The following ATP8A1 variants were observed in gnomAD, a reference collection of about 807,000 sequenced individuals.
ATP8A1 encodes the protein phospholipid-transporting ATPase IA.
A neutral mutation model predicts 177.7 loss-of-function variants in ATP8A1; 90 were observed. That is an observed-to-expected ratio of 0.51 (90% CI 0.43 to 0.60). The LOEUF is 0.60. ATP8A1 is among the 20% of genes least tolerant of loss of function. The probability of loss-of-function intolerance (pLI) is 0.00; values close to 1 mark genes in which losing one functional copy is unlikely to be tolerated. For missense variants in ATP8A1, 1,072 were observed against 1,392.8 expected (o/e 0.77, Z 3.67); for synonymous variants, 493 against 485.9 (o/e 1.01, Z -0.19).
intron 33 of ATP8A1, among the ~76,000 whole-genome samples, chr4:42,425,139 G>T (rs570471833): frequency 8.5e-5 from 13 of 152,090 alleles, no homozygotes; most frequent in African/African-American, 3.1e-4. Flanking sequence ...TTCTCCTTCT[G>T]GGGGGAAAGG....
chr4:42,550,525 A>G (rs1054163855), intron 18 of ATP8A1, among the ~76,000 whole-genome samples: 56 of 152,360 alleles, frequency 3.7e-4, no homozygotes, highest in African/African-American at 1.3e-3. Context: ...AAGGTTTTCC[A>G]AAGGGACTTT....
intron 36 of ATP8A1, among the ~76,000 whole-genome samples, chr4:42,413,801 A>G (rs1193402809): frequency 6.6e-6 from 1 of 152,238 alleles, no homozygotes; most frequent in Non-Finnish European, 1.5e-5. Flanking sequence ...ACTGTACATC[A>G]AAACATCACC....
chr4:42,551,316 T>C (rs986515435), intron 17 of ATP8A1, 36 bp from the exon 18 acceptor site: 23 of 1,451,762 alleles, frequency 1.6e-5, no homozygotes, highest in East Asian at 2.3e-5. Context: ...AAACACATGA[T>C]TGAAAAAAAA....
At chr4:42,451,292 T>A (rs1334863576) in intron 30 of ATP8A1, among the ~76,000 whole-genome samples, 2 of 152,190 alleles carry the variant, frequency 1.3e-5, no homozygotes, top group Admixed American at 6.5e-5. Context: ...TACTATGTGT[T>A]GTGTTTTTGA....
At chr4:42,654,415 G>C (rs185321928) in intron 1 of ATP8A1, among the ~76,000 whole-genome samples, 40 of 152,218 alleles carry the variant, frequency 2.6e-4, no homozygotes, top group African/African-American at 8.2e-4. Flanking sequence ...TCATTTCAAG[G>C]GGGGGAAAAG....
Position 42,558,670 on chromosome 4 carries a change from AAAGG to A in ATP8A1, c.1341-2634_1341-2631del, listed in dbSNP as rs140857082. Among the ~76,000 whole-genome samples, 1,165 of 152,312 alleles carry A rather than the reference AAAGG, an allele frequency of 7.6e-3. 12 individuals are homozygous for A. Among genetic ancestry groups the A allele is most frequent in the African/African-American group, 0.026 (1,097 of 41,558 alleles). ...ATGTCAACAGGAGAGCCATCAGAGA[AAAGG>A]AAGAAAAGAGCTGAATCCATACTTT... On this transcript the variant is annotated intron_variant, in intron 15 of 36. Transcript: ENST00000381668.
intron 20 of ATP8A1, among the ~76,000 whole-genome samples, chr4:42,525,169 A>T (rs1312159120): frequency 3.3e-5 from 5 of 152,188 alleles, no homozygotes; most frequent in Non-Finnish European, 5.9e-5. Context: ...ACACCTTCAT[A>T]GGTATTCATA....
At chr4:42,608,168 A>G (rs1476060303) in intron 5 of ATP8A1, among the ~76,000 whole-genome samples, 4 of 152,166 alleles carry the variant, frequency 2.6e-5, no homozygotes, top group Non-Finnish European at 5.9e-5. Flanking sequence ...GGGATTCCTC[A>G]AAGGCCCTGG....
In ATP8A1 at chr4:42,446,660, A is replaced by G; in HGVS notation, c.2897-16T>C. 1.2e-6 allele frequency: 2 copies of G among 1,605,604 alleles called. No individual in the cohort carries two copies. Among genetic ancestry groups the G allele is most frequent in the Non-Finnish European group, 1.7e-6 (2 of 1,173,568 alleles). On this transcript the variant is annotated splice_polypyrimidine_tract_variant and intron_variant, in intron 30 of 36. Coordinates refer to ENST00000381668, the MANE Select transcript of ATP8A1 (RefSeq NM_006095.2). ...AATGCAGTACCTGTACGAAAAGGAG[A>G]GGCCTATTAGAAAGGAAAATGAGAT... is the stretch of plus-strand genomic sequence containing the variant.
At chr4:42,586,637 T>A (rs1733642906) in intron 8 of ATP8A1, among the ~76,000 whole-genome samples, 161 bp from the exon 9 acceptor site, 1 of 152,198 alleles carries the variant, frequency 6.6e-6, no homozygotes, top group Admixed American at 6.5e-5. Context: ...AGAGACACCT[T>A]CCTCCCTGAC....
chr4:42,487,688 A>G (rs573605367), intron 24 of ATP8A1, among the ~76,000 whole-genome samples: 1 of 152,318 alleles, frequency 6.6e-6, no homozygotes, highest in African/African-American at 2.4e-5. Flanking sequence ...AAGCAAAGGC[A>G]TAGGTAATTA....
At chr4:42,461,248 C>CTTTTTTTTTTTTTTTTTT (rs1203816277) in intron 27 of ATP8A1, among the ~76,000 whole-genome samples, 1 of 75,050 alleles carries the variant, frequency 1.3e-5, no homozygotes, top group African/African-American at 7.3e-5. Context: ...TTTTTTCTTT[C>CTTTTTTTTTTTTTTTTTT]TTTTTTTTTT....
chr4:42,620,887 G>A (rs1299133042), intron 4 of ATP8A1, among the ~76,000 whole-genome samples: 2 of 152,136 alleles, frequency 1.3e-5, no homozygotes, highest in Non-Finnish European at 2.9e-5. Flanking sequence ...ACCTCTCTAA[G>A]CCTCAGCTTC....
intron 20 of ATP8A1, among the ~76,000 whole-genome samples, chr4:42,526,339 T>G (rs902305830): frequency 2.6e-5 from 4 of 152,138 alleles, no homozygotes; most frequent in African/African-American, 9.7e-5. Context: ...GAATAAACAT[T>G]GTGAAGGTTA....
At chr4:42,562,248 T>C (rs1560462841) in intron 15 of ATP8A1, 1 of 152,340 alleles carries the variant, frequency 6.6e-6, no homozygotes, top group South Asian at 2.1e-4. Context: ...TCGACAGTCA[T>C]GCCATCGGCA....
At chr4:42,592,589 T>C (rs953894924) in intron 6 of ATP8A1, among the ~76,000 whole-genome samples, 2 of 152,178 alleles carry the variant, frequency 1.3e-5, no homozygotes, top group Non-Finnish European at 2.9e-5. Context: ...TAGAAGGTGT[T>C]ACTATCATTT....
chr4:42,593,602 T>C (rs980351006), intron 6 of ATP8A1, among the ~76,000 whole-genome samples: 6 of 151,992 alleles, frequency 3.9e-5, no homozygotes, highest in African/African-American at 1.4e-4. Flanking sequence ...TCCAAGGAAA[T>C]GATGATAAAC....
intron 1 of ATP8A1, among the ~76,000 whole-genome samples, chr4:42,641,028 A>G (rs1289350882): frequency 1.2e-4 from 18 of 146,782 alleles, no homozygotes; most frequent in Admixed American, 1.1e-3. Flanking sequence ...AAAAAAAAAA[A>G]GAACAATGAA....
chr4:42,569,326 A>G (rs1731679671), intron 14 of ATP8A1, 121 bp from the exon 15 acceptor site: 3 of 594,610 alleles, frequency 5.0e-6, no homozygotes, highest in Non-Finnish European at 8.4e-6. Context: ...AACAAAATGA[A>G]CTTTTAGTTG....
Sources: allele counts gnomAD v4.1 joint callset (sites outside exome capture counted in the v4.1 genomes callset), GRCh38; gene constraint gnomAD v4.1.1; transcripts MANE v1.5; gene names NCBI Gene and HGNC (gene_info 2026-07-23, HGNC 2026-07-21).